The following SNED1 variants were observed in gnomAD, a reference collection of about 807,000 sequenced individuals.
SNED1 encodes sushi, nidogen and EGF like domains 1.
Under a neutral mutation model 166.7 loss-of-function variants are expected in SNED1, and 81 were observed. The observed-to-expected ratio is 0.49, with a 90% confidence interval of 0.41 to 0.58. The LOEUF (loss-of-function observed/expected upper bound fraction) is 0.58. Among genes scored for constraint, SNED1 ranks in the 20% least tolerant of loss-of-function variants. The pLI is 0.00. For missense variants in SNED1, 1,604 were observed against 2,000.2 expected (o/e 0.80, Z 3.78); for synonymous variants, 762 against 822.0 (o/e 0.93, Z 1.25).
chr2:241,085,860 C>CTTTTTTTTTTTTTTTT (rs772995766), intron 29 of SNED1, among the ~76,000 whole-genome samples: 3 of 79,186 alleles, frequency 3.8e-5, no homozygotes, highest in Non-Finnish European at 4.8e-5. Context: ...TCTGCGGTTT[C>CTTTTTTTTTTTTTTTT]TTTTTTTTTT....
intron 1 of SNED1, among the ~76,000 whole-genome samples, chr2:241,001,725 G>A (rs997881203): frequency 2.0e-5 from 3 of 152,140 alleles, no homozygotes; most frequent in Admixed American, 6.5e-5. Context: ...TCTTCCTGGT[G>A]CCCCCTACAC....
At chr2:241,023,900 T>TTTA in intron 1 of SNED1, among the ~76,000 whole-genome samples, 1 of 138,658 alleles carries the variant, frequency 7.2e-6, no homozygotes, top group East Asian at 2.1e-4. Flanking sequence ...TTTTTTTTTT[T>TTTA]TTTTTTTGAG....
chr2:241,024,379 G>A lies in SNED1; in HGVS notation c.214-5905G>A, dbSNP rs190898764. On this transcript the variant is annotated intron_variant, in intron 1 of 31. Coordinates refer to ENST00000310397, the MANE Select transcript of SNED1 (RefSeq NM_001080437.3). ...TCCTGCCTCAGCCTCCCAAGTAGCT[G>A]GGACTACAGGTGCCCACCACTACAC... 1.3e-4 allele frequency among the ~76,000 whole-genome samples: 19 copies of A among 149,960 alleles called. No individual in the cohort carries two copies. The South Asian group carries it at 1.7e-3, about 13-fold the overall frequency.
At chr2:241,036,389 G>A (rs1009363171) in intron 4 of SNED1, among the ~76,000 whole-genome samples, 8 of 152,174 alleles carry the variant, frequency 5.3e-5, no homozygotes, top group Admixed American at 5.2e-4. Flanking sequence ...TGCGTGGCCC[G>A]CCTTGTCCCA....
chr2:241,073,116 G>A lies in SNED1; in HGVS notation c.3818-150G>A. ...GCCCTTCAGGGGAGGCAGCTCTGGG[G>A]CCGACAGGTGCTGGGGCCACGCAGG... On this transcript the variant is annotated intron_variant, in intron 26 of 31. Transcript: ENST00000310397. This position sits in a 1 kb window ranked among gnomAD's most constrained non-coding sequence, Gnocchi z 6.6. 3.3e-6 allele frequency: 2 copies of A among 609,346 alleles called. No homozygotes were observed. Among genetic ancestry groups the A allele is most frequent in the Non-Finnish European group, 2.9e-6 (1 of 345,468 alleles). The allele number at this position is 609,346 out of a possible 1,614,324, so 37.7% of individuals were successfully genotyped here.
In SNED1 at chr2:240,999,237, C is replaced by CGGGCG. The variant is rs1008965206; in HGVS notation, c.213+196_213+200dup. Among the ~76,000 whole-genome samples the CGGGCG allele has an allele frequency of 6.7e-6, 1 of 149,906 alleles. No homozygotes were observed. Among genetic ancestry groups the CGGGCG allele is most frequent in the Admixed American group, 6.6e-5 (1 of 15,074 alleles). On this transcript the variant is annotated intron_variant, in intron 1 of 31. Coordinates refer to ENST00000310397, the MANE Select transcript of SNED1 (RefSeq NM_001080437.3). The surrounding 1 kb of genome is among the most constrained non-coding windows in gnomAD (Gnocchi z 5.8). The stretch of plus-strand genomic sequence containing the variant: ...GACAGCGGCCCGCGGGAGAGGCGCG[C>CGGGCG]GGGCGGGGCGGGGGCGGCAGCCGCC...
chr2:241,023,536 A>G (rs886465228), intron 1 of SNED1, among the ~76,000 whole-genome samples: 12 of 152,056 alleles, frequency 7.9e-5, no homozygotes, highest in African/African-American at 2.9e-4. Flanking sequence ...TATTATTTGC[A>G]TTGTTCAGAT....
chr2:241,043,103 G>C (rs1200471481), intron 8 of SNED1, among the ~76,000 whole-genome samples: 1 of 152,208 alleles, frequency 6.6e-6, no homozygotes, highest in Non-Finnish European at 1.5e-5. Flanking sequence ...GGTGTGGAAA[G>C]GAGTGTTATA....
intron 1 of SNED1, among the ~76,000 whole-genome samples, chr2:241,007,176 T>A (rs914733933): frequency 6.6e-6 from 1 of 152,190 alleles, no homozygotes; most frequent in Non-Finnish European, 1.5e-5. Flanking sequence ...TCCTTGTTGA[T>A]GGGAAATACT....
intron 1 of SNED1, among the ~76,000 whole-genome samples, chr2:241,005,851 G>C (rs769517757): frequency 6.6e-6 from 1 of 151,770 alleles, no homozygotes; most frequent in Admixed American, 6.6e-5. Context: ...TCAGCAATTT[G>C]GTTATTAGGT....
chr2:241,043,843 C>T (rs928864644), intron 8 of SNED1, among the ~76,000 whole-genome samples: 27 of 152,158 alleles, frequency 1.8e-4, no homozygotes, highest in African/African-American at 6.0e-4. Context: ...ATAGGTATGG[C>T]TGTGTTCCAA....
At chr2:241,007,714 A>T (rs766921918) in intron 1 of SNED1, among the ~76,000 whole-genome samples, 1 of 152,142 alleles carries the variant, frequency 6.6e-6, no homozygotes, top group Non-Finnish European at 1.5e-5. Context: ...TGTGTTGCCT[A>T]TTTCTTTCAA....
intron 21 of SNED1, 126 bp downstream of exon 21, chr2:241,065,721 C>T: frequency 1.2e-6 from 1 of 842,696 alleles, no homozygotes; most frequent in Non-Finnish European, 1.8e-6. Flanking sequence ...GCAAGACAGA[C>T]AGCTGAGCTG....
chr2:241,081,254 A>G (rs1491004089), intron 27 of SNED1, among the ~76,000 whole-genome samples: 2 of 151,046 alleles, frequency 1.3e-5, no homozygotes, highest in African/African-American at 4.8e-5. Context: ...AGTCACATCC[A>G]TTAGAGCACC....
intron 8 of SNED1, 124 bp from the exon 9 acceptor site, chr2:241,048,191 G>A: frequency 8.5e-7 from 1 of 1,182,002 alleles, no homozygotes; most frequent in Admixed American, 3.0e-5. Flanking sequence ...TAAGCTTCTG[G>A]CTTAAATTCC....
chr2:241,058,541 A>C (rs2062132884), intron 16 of SNED1, among the ~76,000 whole-genome samples: 1 of 152,250 alleles, frequency 6.6e-6, no homozygotes, highest in African/African-American at 2.4e-5. Context: ...GATATAGATT[A>C]CAACAAAATT....
Position 241,064,146 on chromosome 2 carries a change from G to A in SNED1, c.2599+21G>A. 1 of 1,462,654 alleles carries A rather than the reference G, an allele frequency of 6.8e-7. No homozygotes were observed. The highest frequency in any genetic ancestry group is 1.6e-5 in the African/African-American group (1 of 63,608). The allele number at this position is 1,462,654 out of a possible 1,614,324, so 90.6% of individuals were successfully genotyped here. On this transcript the variant is annotated intron_variant, in intron 19 of 31. Coordinates refer to ENST00000310397, the MANE Select transcript of SNED1 (RefSeq NM_001080437.3). This position sits in a 1 kb window ranked among gnomAD's most constrained non-coding sequence, Gnocchi z 7.0. ...GACAGGTAGGGCGGCAGGCCTGCCT[G>A]CTCCCCGCCCTCTGCCCGCCTGCTC...
Position 241,088,370 on chromosome 2 carries a change from AAAGT to A in SNED1, c.4215_4218del (p.Ser1405ArgfsTer32), listed in dbSNP as rs758193293. ...CTTTTCTCTAATTATTTCAGGAAACAAAGTAAGAGTCAGACACTGGAGAAATCTT... is the reference window on the plus strand; with the variant it reads ...CTTTTCTCTAATTATTTCAGGAAACAAAGAGTCAGACACTGGAGAAATCTT... On this transcript the variant is annotated frameshift_variant, in exon 31 of 32. Coordinates refer to ENST00000310397, the MANE Select transcript of SNED1 (RefSeq NM_001080437.3). LOFTEE classifies it high-confidence loss of function. 3.7e-6 allele frequency: 6 copies of A among 1,609,946 alleles called. No homozygotes were observed. In the East Asian group the frequency reaches 8.9e-5, roughly 24 times the overall value.
chr2:241,059,879 A>G (rs1482669049), intron 16 of SNED1, among the ~76,000 whole-genome samples: 1 of 152,366 alleles, frequency 6.6e-6, no homozygotes. Context: ...ACGTATTCCC[A>G]GCATTTTCCT....
Sources: allele counts gnomAD v4.1 joint callset (sites outside exome capture counted in the v4.1 genomes callset), GRCh38; gene constraint gnomAD v4.1.1; non-coding constraint Gnocchi (gnomAD v3.1); transcripts MANE v1.5; gene names NCBI Gene and HGNC (gene_info 2026-07-23, HGNC 2026-07-21).